Variants in CREBZF observed in about 807,000 individuals in gnomAD.
CREBZF encodes HCF-binding transcription factor Zhangfei.
In CREBZF, 8 loss-of-function variants were observed where a neutral mutation model predicts 21.1. The observed-to-expected ratio is 0.38, with a 90% CI of 0.22 to 0.68. CREBZF has a LOEUF of 0.68. Ranked by LOEUF, CREBZF falls within the 30% of genes least tolerant of loss-of-function variation. The pLI, the probability that CREBZF is intolerant of heterozygous loss-of-function variation, is 0.51. For missense variants in CREBZF, 518 were observed against 484.3 expected (o/e 1.07, Z -0.65); for synonymous variants, 270 against 223.3 (o/e 1.21, Z -1.86).
Position 85,664,807 on chromosome 11 carries a change from C to T in CREBZF, c.69G>A (p.Pro23=), listed in dbSNP as rs1352153291. The T allele has an allele frequency of 1.3e-6, 2 of 1,569,376 alleles. No homozygotes were observed. The highest frequency in any genetic ancestry group is 1.7e-6 in the Non-Finnish European group (2 of 1,161,478). The change falls in exon 1 of 1, where the codon CCG becomes CCA. Residue 23 remains proline (P), a synonymous_variant. Coordinates refer to ENST00000527447, the MANE Select transcript of CREBZF (RefSeq NM_001039618.4). The surrounding 1 kb of genome is among the most constrained non-coding windows in gnomAD (Gnocchi z 5.5). ...GSNSPTRSES[P]EPAATCSLPS... Reference sequence around the variant, plus strand: ...GCAGCGAACAAGTTGCAGCCGGCTCCGGGCTCTCACTGCGGGTTGGGGAGT... The same window carrying T: ...GCAGCGAACAAGTTGCAGCCGGCTCTGGGCTCTCACTGCGGGTTGGGGAGT...
intron 1 of CREBZF, among the ~76,000 whole-genome samples, chr11:85,671,742 T>C (rs1026580149): frequency 6.6e-6 from 1 of 152,248 alleles, no homozygotes; most frequent in Non-Finnish European, 1.5e-5. Context: ...AGAGGTGGGT[T>C]CCCACGGTCT....
chr11:85,682,277 G>T (rs1172624092), intron 1 of CREBZF, among the ~76,000 whole-genome samples: 1 of 151,984 alleles, frequency 6.6e-6, no homozygotes, highest in Non-Finnish European at 1.5e-5. Context: ...TGTTATGAGG[G>T]TGGAATGAAA....
In CREBZF at chr11:85,671,724, T is replaced by C. The variant is rs989720487; in HGVS notation, n.148-8123A>G. On this transcript the variant is annotated intron_variant and non_coding_transcript_variant, in intron 1 of 3. Coordinates refer to the CREBZF transcript ENST00000531515. ...CTCCATGTCTCACACCCAAGTCACA[T>C]TGACATAAGAGGTGGGTTCCCACGG... 4.6e-5 allele frequency among the ~76,000 whole-genome samples: 7 copies of C among 152,246 alleles called. No individual in the cohort carries two copies. The South Asian group carries it at 8.3e-4, about 18-fold the overall frequency.
chr11:85,680,823 A>C (rs1382685530), intron 1 of CREBZF, among the ~76,000 whole-genome samples: 2 of 152,260 alleles, frequency 1.3e-5, no homozygotes, highest in Non-Finnish European at 2.9e-5. Flanking sequence ...AGGATTTAAA[A>C]AGGCTCCCTG....
chr11:85,669,125 G>T (rs2082893856), upstream of CREBZF, among the ~76,000 whole-genome samples: 1 of 148,642 alleles, frequency 6.7e-6, no homozygotes, highest in Non-Finnish European at 1.5e-5. Context: ...GCATGTGTCA[G>T]GATTCAACTA....
rs962670859 is a variant in CREBZF, at chr11:85,663,871, C to T, written c.1005G>A (p.Lys335=). ...ACGCCGAGCAGAACTCCACCGACACCTTATCCTTGTCCACATGGAGACAGA... is the reference window on the plus strand; with the variant it reads ...ACGCCGAGCAGAACTCCACCGACACTTTATCCTTGTCCACATGGAGACAGA... ...GGVCLHVDKD[K]VSVEFCSACA... is the part of the protein sequence containing the mutation. The change falls in exon 1 of 1, where the codon AAG becomes AAA. Residue 335 remains lysine (K), a synonymous_variant. Coordinates refer to ENST00000527447, the MANE Select transcript of CREBZF (RefSeq NM_001039618.4). 1.2e-6 allele frequency: 2 copies of T among 1,611,426 alleles called. No individual in the cohort carries two copies. The highest frequency in any genetic ancestry group is 1.3e-5 in the African/African-American group (1 of 74,852).
At chr11:85,669,001 C>CAAAAAAAAAAAAAAAAA (rs61718728), upstream of CREBZF, among the ~76,000 whole-genome samples, 13 of 33,214 alleles carry the variant, frequency 3.9e-4, no homozygotes, top group Non-Finnish European at 5.8e-4. Context: ...GACTCCGTCT[C>CAAAAAAAAAAAAAAAAA]AAAAAAAAAA....
At chr11:85,674,082 TC>T (rs1384625855) in intron 1 of CREBZF, among the ~76,000 whole-genome samples, 6 of 152,214 alleles carry the variant, frequency 3.9e-5, no homozygotes, top group Admixed American at 6.5e-5. Context: ...GGAATCCTCT[TC>T]CAAACTTCCA....
chr11:85,673,693 T>C (rs1457678614), intron 1 of CREBZF, among the ~76,000 whole-genome samples: 1 of 152,234 alleles, frequency 6.6e-6, no homozygotes, highest in East Asian at 1.9e-4. Flanking sequence ...TCATGAAAGA[T>C]TTCTCTATAG....
intron 1 of CREBZF, among the ~76,000 whole-genome samples, chr11:85,673,830 A>G (rs1417215194): frequency 6.6e-6 from 1 of 152,326 alleles, no homozygotes; most frequent in East Asian, 1.9e-4. Flanking sequence ...CTTTGTTGTC[A>G]TTCAAACAAT....
intron 1 of CREBZF, among the ~76,000 whole-genome samples, chr11:85,670,549 G>C (rs956187364): frequency 6.6e-6 from 1 of 151,956 alleles, no homozygotes; most frequent in South Asian, 2.1e-4. Context: ...TGATCCACCC[G>C]CCTCGGCCTT....
At chr11:85,666,916 C>A (rs77052158), upstream of CREBZF, among the ~76,000 whole-genome samples, 84 of 152,342 alleles carry the variant, frequency 5.5e-4, no homozygotes, top group African/African-American at 2.0e-3. Flanking sequence ...CAAGAGCACA[C>A]AGTTCAAGGT....
At chr11:85,681,484 T>C (rs2082976299) in intron 1 of CREBZF, among the ~76,000 whole-genome samples, 1 of 152,256 alleles carries the variant, frequency 6.6e-6, no homozygotes, top group African/African-American at 2.4e-5. Context: ...ATTTCTCCTG[T>C]AGCTCTCCTC....
At chr11:85,673,454 G>A (rs2082925226) in intron 1 of CREBZF, among the ~76,000 whole-genome samples, 1 of 152,200 alleles carries the variant, frequency 6.6e-6, no homozygotes, top group Non-Finnish European at 1.5e-5. Context: ...GTGTGCAACA[G>A]CATTATGTCT....
chr11:85,682,604 A>ACCCC, intron 1 of CREBZF: 1 of 189,626 alleles, frequency 5.3e-6, no homozygotes, highest in South Asian at 5.6e-5. Flanking sequence ...CCCCTGCCCT[A>ACCCC]CTCCCCCCAA....
At chr11:85,669,481 T>C (rs941530495), upstream of CREBZF, among the ~76,000 whole-genome samples, 1 of 151,956 alleles carries the variant, frequency 6.6e-6, no homozygotes, top group African/African-American at 2.4e-5. Context: ...TTATAAGCAT[T>C]GTGGATATAA....
chr11:85,682,672 C>T, intron 1 of CREBZF: 2 of 625,118 alleles, frequency 3.2e-6, no homozygotes, highest in South Asian at 1.8e-5. Flanking sequence ...GAGCCCACTC[C>T]CCTTGTAGAC....
At chr11:85,674,234 A>C (rs1159059514) in intron 1 of CREBZF, among the ~76,000 whole-genome samples, 1 of 152,242 alleles carries the variant, frequency 6.6e-6, no homozygotes, top group Non-Finnish European at 1.5e-5. Flanking sequence ...TCAAAGTTGA[A>C]GTAACTCCTT....
At chr11:85,681,765 T>C (rs915428457) in intron 1 of CREBZF, among the ~76,000 whole-genome samples, 6 of 152,234 alleles carry the variant, frequency 3.9e-5, no homozygotes, top group African/African-American at 1.4e-4. Flanking sequence ...AGGAGGCCGA[T>C]TTACATTTTG....
Sources: gnomAD v4.1 joint callset for allele counts (sites outside exome capture counted in the v4.1 genomes callset) on GRCh38, gnomAD v4.1.1 for gene constraint, Gnocchi (gnomAD v3.1) non-coding constraint, MANE v1.5 for transcripts, NCBI Gene and HGNC (gene_info 2026-07-23, HGNC 2026-07-21) for gene names.